Variants in CEMIP observed in about 807,000 individuals in gnomAD.
CEMIP encodes the protein cell migration-inducing and hyaluronan-binding protein.
CEMIP carries 105 observed loss-of-function variants against 156.9 expected under a neutral mutation model. That is an observed-to-expected ratio of 0.67 (90% CI 0.57 to 0.79). The LOEUF (loss-of-function observed/expected upper bound fraction) is 0.79, where lower values mean the gene tolerates loss of function less well. Ranked by LOEUF, CEMIP falls within the 30% of genes least tolerant of loss-of-function variation. CEMIP has a pLI of 0.00. For missense variants in CEMIP, 1,457 were observed against 1,769.4 expected, an observed-to-expected ratio of 0.82 and a Z score of 3.17; for synonymous variants, 676 against 668.4, an observed-to-expected ratio of 1.01 and a Z score of -0.17.
chr15:80,878,678 A>G (rs1289548561), intron 3 of CEMIP, 43 bp from the exon 4 acceptor site: 1 of 1,613,424 alleles, frequency 6.2e-7, no homozygotes, highest in African/African-American at 1.3e-5. Context: ...TTGCTTGGTG[A>G]GGCTGGTAGA....
intron 12 of CEMIP, among the ~76,000 whole-genome samples, chr15:80,902,598 C>T (rs1297412033): frequency 1.3e-5 from 2 of 152,222 alleles, no homozygotes; most frequent in Non-Finnish European, 2.9e-5. Flanking sequence ...GGAAGCTCTG[C>T]AGCCGGGAAG....
chr15:80,898,494 A>G (rs953036226), intron 12 of CEMIP, among the ~76,000 whole-genome samples: 1 of 152,234 alleles, frequency 6.6e-6, no homozygotes, highest in Non-Finnish European at 1.5e-5. Flanking sequence ...GCTAACAGCA[A>G]TTTATACCAA....
At chr15:80,835,685 A>C (rs1291195545) in intron 1 of CEMIP, among the ~76,000 whole-genome samples, 1 of 152,210 alleles carries the variant, frequency 6.6e-6, no homozygotes, top group Admixed American at 6.5e-5. Context: ...GACATTGTGT[A>C]TGTTCACCTG....
chr15:80,948,118 A>T, intron 29 of CEMIP: 1 of 153,220 alleles, frequency 6.5e-6, no homozygotes, highest in East Asian at 1.9e-4. Context: ...GGTTGCCAAA[A>T]GCTGATGTAT....
intron 10 of CEMIP, among the ~76,000 whole-genome samples, chr15:80,894,648 C>A (rs573968850): frequency 1.3e-5 from 2 of 152,212 alleles, no homozygotes; most frequent in Middle Eastern, 3.4e-3. Context: ...AGTGGTGGTG[C>A]AAATTGTAAA....
In CEMIP at chr15:80,874,958, G is replaced by A. The variant is rs1898420529; in HGVS notation, c.94+985G>A. 2.0e-5 allele frequency among the ~76,000 whole-genome samples: 3 copies of A among 149,146 alleles called. No homozygotes were observed. The South Asian group carries it at 6.4e-4, about 32-fold the overall frequency. On this transcript the variant is annotated intron_variant, in intron 3 of 29. Transcript: ENST00000394685. Reference sequence around the variant, plus strand: ...TAGAAGAGAATAATTGATAACTAGTGAAATTCCTTCACTGTGATTTTTTGA... The same window carrying A: ...TAGAAGAGAATAATTGATAACTAGTAAAATTCCTTCACTGTGATTTTTTGA...
intron 1 of CEMIP, among the ~76,000 whole-genome samples, chr15:80,791,721 T>G (rs1419212589): frequency 6.6e-6 from 1 of 152,218 alleles, no homozygotes; most frequent in Non-Finnish European, 1.5e-5. Context: ...GCTGGCTTTT[T>G]GTGAGCTGTG....
chr15:80,878,704 C>T lies in CEMIP; in HGVS notation c.95-17C>T. 3.7e-6 allele frequency: 6 copies of T among 1,614,124 alleles called. No individual in the cohort carries two copies. The highest frequency in any genetic ancestry group is 5.1e-6 in the Non-Finnish European group (6 of 1,180,014). On this transcript the variant is annotated splice_polypyrimidine_tract_variant and intron_variant, in intron 3 of 29. Transcript: ENST00000394685. ...GGCTGGTAGATGGGAGCAGTGACATCTCTCTGTCCTTGGCAGTGGCTGCTG... is the reference window on the plus strand; with the variant it reads ...GGCTGGTAGATGGGAGCAGTGACATTTCTCTGTCCTTGGCAGTGGCTGCTG...
chr15:80,854,782 C>T (rs1373861823), intron 1 of CEMIP, among the ~76,000 whole-genome samples: 1 of 152,048 alleles, frequency 6.6e-6, no homozygotes, highest in Non-Finnish European at 1.5e-5. Context: ...AAGGAGAAAA[C>T]CAGGAAGAGG....
At chr15:80,923,186 T>A (rs1432087311) in intron 17 of CEMIP, among the ~76,000 whole-genome samples, 1 of 151,974 alleles carries the variant, frequency 6.6e-6, no homozygotes, top group Non-Finnish European at 1.5e-5. Flanking sequence ...GCAGTGTCAT[T>A]TCCCAGCAAC....
intron 1 of CEMIP, among the ~76,000 whole-genome samples, chr15:80,810,591 G>A (rs1287903286): frequency 6.6e-6 from 1 of 152,120 alleles, no homozygotes; most frequent in South Asian, 2.1e-4. Context: ...TCCTGACCTT[G>A]TGATCCGCCC....
chr15:80,948,349 T>C, intron 29 of CEMIP: 1 of 279,012 alleles, frequency 3.6e-6, no homozygotes, highest in Non-Finnish European at 7.1e-6. Context: ...CTCTCAGAAC[T>C]CTTTCTAGAG....
At position 80,925,663 on chromosome 15, in the gene CEMIP, G is replaced by A; in HGVS notation, c.2328G>A (p.Arg776=). 6 of 1,613,708 alleles carry A rather than the reference G, an allele frequency of 3.7e-6. No homozygotes were observed. The highest frequency in any genetic ancestry group is 5.1e-6 in the Non-Finnish European group (6 of 1,180,000). The change falls in exon 19 of 30, where the codon CGG becomes CGA. Residue 776 remains arginine, a synonymous_variant. Coordinates refer to ENST00000394685, the MANE Select transcript of CEMIP (RefSeq NM_001293298.2). The part of the protein sequence containing the change: ...PHQDADPLKP[R]EPAIIRHFIA... ...AGGACGCCGACCCGCTGAAGCCCCG[G>A]GAGCCGGCCATCATCAGACACTTCA...
intron 6 of CEMIP, 41 bp from the exon 7 acceptor site, chr15:80,884,134 C>T (rs184035683): frequency 1.1e-4 from 178 of 1,601,578 alleles, no homozygotes; most frequent in African/African-American, 6.8e-4. Context: ...GTTTTGGCTG[C>T]GGTCAAGACT....
intron 1 of CEMIP, among the ~76,000 whole-genome samples, chr15:80,864,455 C>T (rs767311436): frequency 3.9e-5 from 6 of 152,190 alleles, no homozygotes; most frequent in Admixed American, 1.3e-4. Flanking sequence ...CAGCTGCATC[C>T]GTCACTGCCC....
intron 26 of CEMIP, 26 bp from the exon 27 acceptor site, chr15:80,942,225 T>C: frequency 6.3e-7 from 1 of 1,591,694 alleles, no homozygotes; most frequent in Non-Finnish European, 8.6e-7. Flanking sequence ...ACCTAACAAT[T>C]ACATTGGGTT....
chr15:80,841,494 A>G (rs1897416668), intron 1 of CEMIP, among the ~76,000 whole-genome samples: 1 of 152,228 alleles, frequency 6.6e-6, no homozygotes, highest in South Asian at 2.1e-4. Flanking sequence ...CTCTGTTGGT[A>G]CAGACATGGG....
At chr15:80,789,221 A>G (rs1896019319) in intron 1 of CEMIP, among the ~76,000 whole-genome samples, 1 of 152,150 alleles carries the variant, frequency 6.6e-6, no homozygotes, top group Non-Finnish European at 1.5e-5. Context: ...CCCTTTGGTG[A>G]TGCTAAAGGC....
intron 1 of CEMIP, among the ~76,000 whole-genome samples, chr15:80,860,204 A>G (rs895712248): frequency 6.6e-6 from 1 of 151,712 alleles, no homozygotes; most frequent in African/African-American, 2.4e-5. Context: ...ATCATACAAA[A>G]GTAGTTTGAA....
Sources: gnomAD v4.1 joint callset for allele counts (sites outside exome capture counted in the v4.1 genomes callset) on GRCh38, gnomAD v4.1.1 for gene constraint, MANE v1.5 for transcripts, NCBI Gene and HGNC (gene_info 2026-07-23, HGNC 2026-07-21) for gene names.